Variants in BCAR3 observed in about 807,000 individuals in gnomAD.
The protein encoded by BCAR3 is BCAR3 adaptor protein, NSP family member.
Under a neutral mutation model 80.1 loss-of-function variants are expected in BCAR3, and 37 were observed. The observed-to-expected ratio is 0.46, with a 90% CI of 0.36 to 0.61. The LOEUF (loss-of-function observed/expected upper bound fraction) is 0.61, where lower values mean the gene tolerates loss of function less well. BCAR3 is among the 20% of genes least tolerant of loss of function. BCAR3 has a pLI of 0.00. For missense variants in BCAR3, 978 were observed against 1,068.2 expected (o/e 0.92, Z 1.18); for synonymous variants, 389 against 418.9 (o/e 0.93, Z 0.87).
intron 2 of BCAR3, among the ~76,000 whole-genome samples, chr1:93,805,932 A>G (rs1355656904): frequency 6.6e-6 from 1 of 152,296 alleles, no homozygotes; most frequent in African/African-American, 2.4e-5. Context: ...AGAGAACAAG[A>G]AAGAGCTTTT....
chr1:93,613,599 G>T (rs1265754609), intron 3 of BCAR3, among the ~76,000 whole-genome samples: 1 of 152,172 alleles, frequency 6.6e-6, no homozygotes, highest in Non-Finnish European at 1.5e-5. Context: ...AGCCTACAGA[G>T]AACTGAAAGT....
chr1:93,825,972 A>C (rs1654358614), intron 2 of BCAR3, among the ~76,000 whole-genome samples: 1 of 152,210 alleles, frequency 6.6e-6, no homozygotes, highest in Non-Finnish European at 1.5e-5. Flanking sequence ...TTCAAAGCAG[A>C]GAGTGAGAAG....
intron 2 of BCAR3, among the ~76,000 whole-genome samples, chr1:93,827,259 G>A (rs911055757): frequency 4.6e-5 from 7 of 152,150 alleles, no homozygotes; most frequent in African/African-American, 1.7e-4. Context: ...AGACCAAAAA[G>A]TACTGCATCC....
chr1:93,575,992 T>C (rs1673440160), intron 8 of BCAR3, 22 bp downstream of exon 8: 1 of 1,601,788 alleles, frequency 6.2e-7, no homozygotes, highest in Admixed American at 1.7e-5. Context: ...GGGTCGGAAG[T>C]GCAGAGGACG....
intron 1 of BCAR3, among the ~76,000 whole-genome samples, chr1:93,675,897 C>T (rs563965714): frequency 9.6e-6 from 1 of 103,742 alleles, no homozygotes; most frequent in Non-Finnish European, 1.8e-5. Flanking sequence ...TTTTTAAGGC[C>T]AACACACAGA....
chr1:93,730,454 C>T (rs913314450), intron 2 of BCAR3, among the ~76,000 whole-genome samples: 8 of 152,238 alleles, frequency 5.3e-5, no homozygotes, highest in African/African-American at 1.7e-4. Context: ...CACTCCACAC[C>T]TTCAGCACCC....
At chr1:93,774,426 G>GT (rs1652467847) in intron 2 of BCAR3, among the ~76,000 whole-genome samples, 1 of 150,950 alleles carries the variant, frequency 6.6e-6, no homozygotes, top group Non-Finnish European at 1.5e-5. Flanking sequence ...AGAGGTTGCA[G>GT]TGAGCCGAGA....
chr1:93,591,338 G>A (rs1210075418), intron 4 of BCAR3, among the ~76,000 whole-genome samples: 1 of 152,054 alleles, frequency 6.6e-6, no homozygotes, highest in Non-Finnish European at 1.5e-5. Context: ...AGCAGGGCAT[G>A]GTGGTGGACA....
chr1:93,643,533 A>G (rs536232978), intron 2 of BCAR3, among the ~76,000 whole-genome samples: 147 of 145,810 alleles, frequency 1.0e-3, no homozygotes, highest in African/African-American at 3.4e-3. Context: ...GTGACAGAAC[A>G]AGACTCTTTC....
chr1:93,582,934 C>T lies in BCAR3; in HGVS notation c.1053G>A (p.Gln351=). 1 of 1,592,416 alleles carries T rather than the reference C, an allele frequency of 6.3e-7. No homozygotes were observed. Among genetic ancestry groups the T allele is most frequent in the Non-Finnish European group, 8.5e-7 (1 of 1,172,296 alleles). The change falls in exon 7 of 12, where the codon CAG becomes CAA. Residue 351 remains glutamine, a synonymous_variant. Coordinates refer to ENST00000260502, the MANE Select transcript of BCAR3 (RefSeq NM_003567.4). ...AGGGGCTTGTGTCCACACCCGAGGA[C>T]TGAGGTGGCAGCTTGCAGCCTGTGG... ...YLPIGCKLPP[Q]SSGVDTSPCP...
chr1:93,591,038 G>A (rs1341536607), intron 4 of BCAR3, among the ~76,000 whole-genome samples: 1 of 151,928 alleles, frequency 6.6e-6, no homozygotes. Context: ...AGAATTATGA[G>A]GAGAATTATG....
At chr1:93,846,740 G>T in intron 1 of BCAR3, 1 of 390,978 alleles carries the variant, frequency 2.6e-6, no homozygotes, top group Non-Finnish European at 5.1e-6. Context: ...GCAGTCGCGG[G>T]CCCCGGGCGC....
chr1:93,619,948 T>A (rs2101888906), intron 3 of BCAR3, among the ~76,000 whole-genome samples: 2 of 152,316 alleles, frequency 1.3e-5, no homozygotes, highest in Middle Eastern at 3.4e-3. Context: ...GAGCCTTAGT[T>A]TCCTCCCCAG....
chr1:93,774,377 A>T (rs1457850310), intron 2 of BCAR3, among the ~76,000 whole-genome samples: 1 of 151,596 alleles, frequency 6.6e-6, no homozygotes, highest in Non-Finnish European at 1.5e-5. Flanking sequence ...CCAGCCACTC[A>T]GGAGTCTGAG....
At chr1:93,669,271 C>A (rs1648089022) in intron 2 of BCAR3, among the ~76,000 whole-genome samples, 1 of 152,108 alleles carries the variant, frequency 6.6e-6, no homozygotes, top group African/African-American at 2.4e-5. Flanking sequence ...TAACTAAAAC[C>A]ATTTTTCAGA....
intron 2 of BCAR3, among the ~76,000 whole-genome samples, chr1:93,759,583 T>C (rs908182820): frequency 4.6e-5 from 7 of 152,184 alleles, no homozygotes; most frequent in Admixed American, 1.3e-4. Flanking sequence ...TCATGCCAAC[T>C]GCATCAATCA....
At chr1:93,563,940 C>T (rs557510972) in intron 11 of BCAR3, among the ~76,000 whole-genome samples, 11 of 152,114 alleles carry the variant, frequency 7.2e-5, no homozygotes, top group East Asian at 5.8e-4. Flanking sequence ...GTGATCCACC[C>T]GCCTCGACCT....
chr1:93,687,325 T>G (rs1215059790), intron 3 of BCAR3, among the ~76,000 whole-genome samples: 1 of 152,302 alleles, frequency 6.6e-6, no homozygotes, highest in East Asian at 1.9e-4. Context: ...TATTTCTTTT[T>G]GAGATGGAGT....
At chr1:93,689,383 T>C (rs1322733079) in intron 3 of BCAR3, among the ~76,000 whole-genome samples, 5 of 151,924 alleles carry the variant, frequency 3.3e-5, no homozygotes, top group Admixed American at 6.6e-5. Context: ...ATATAAAAAT[T>C]AGCCGGGTGT....
Sources: allele counts gnomAD v4.1 joint callset (sites outside exome capture counted in the v4.1 genomes callset), GRCh38; gene constraint gnomAD v4.1.1; transcripts MANE v1.5; gene names NCBI Gene and HGNC (gene_info 2026-07-23, HGNC 2026-07-21).